Variants in LPP observed in about 807,000 individuals in gnomAD.
LPP encodes the protein LIM domain containing preferred translocation partner in lipoma.
Under a neutral mutation model 60.4 loss-of-function variants are expected in LPP, and 38 were observed. The ratio of observed to expected loss-of-function variants is 0.63; its 90% CI spans 0.49 to 0.83. LPP has a LOEUF of 0.83. LPP is among the 40% of genes least tolerant of loss of function. The pLI, the probability that LPP is intolerant of heterozygous loss-of-function variation, is 0.00. For synonymous variants in LPP, 328 were observed against 290.8 expected, an observed-to-expected ratio of 1.13 and a Z score of -1.30; for missense variants, 902 against 783.6, an observed-to-expected ratio of 1.15 and a Z score of -1.80.
rs189553409 is a variant in LPP, at chr3:188,708,141, C to T, written c.1114-126C>T. ...TAAGTGATAAAACTAATTCTAAAAC[C>T]CAGGTCTCCTGACAGCCACGTCCAG... On this transcript the variant is annotated intron_variant, in intron 7 of 11. Transcript: ENST00000617246. The T allele has an allele frequency of 7.1e-3, 7,159 of 1,001,284 alleles. 34 individuals are homozygous for T. Among genetic ancestry groups the T allele is most frequent in the Non-Finnish European group, 8.3e-3 (5,655 of 681,450 alleles). The allele number at this position is 1,001,284 out of a possible 1,614,324, so 62.0% of individuals were successfully genotyped here.
intron 6 of LPP, among the ~76,000 whole-genome samples, chr3:188,576,790 A>T (rs1276107776): frequency 6.6e-6 from 1 of 152,216 alleles, no homozygotes; most frequent in African/African-American, 2.4e-5. Flanking sequence ...TACTTCCGTG[A>T]CTATCTCCAT....
chr3:188,616,306 C>G (rs146883651), intron 7 of LPP, among the ~76,000 whole-genome samples: 1 of 152,278 alleles, frequency 6.6e-6, no homozygotes, highest in East Asian at 1.9e-4. Context: ...CTGCATACAG[C>G]TAGCCAGTTT....
intron 6 of LPP, among the ~76,000 whole-genome samples, chr3:188,563,639 T>C (rs1257842942): frequency 2.0e-5 from 3 of 151,946 alleles, no homozygotes; most frequent in Admixed American, 6.6e-5. Flanking sequence ...AGCTTTTCTT[T>C]ATTACAAACA....
intron 9 of LPP, among the ~76,000 whole-genome samples, chr3:188,814,670 G>A (rs1258764404): frequency 1.3e-5 from 2 of 152,138 alleles, no homozygotes; most frequent in Admixed American, 1.3e-4. Context: ...AGACTTATTT[G>A]TAAATGGATG....
intron 11 of LPP, among the ~76,000 whole-genome samples, chr3:188,873,441 A>G (rs1768681912): frequency 2.6e-5 from 4 of 152,230 alleles, no homozygotes. Flanking sequence ...TTGATGAAGT[A>G]CTATGTATTT....
At chr3:188,468,864 C>T (rs2149501828) in intron 4 of LPP, among the ~76,000 whole-genome samples, 1 of 152,218 alleles carries the variant, frequency 6.6e-6, no homozygotes, top group South Asian at 2.1e-4. Context: ...GGCAGCTGGC[C>T]AAATGAAGCA....
intron 9 of LPP, among the ~76,000 whole-genome samples, chr3:188,777,085 A>G (rs1376957276): frequency 4.6e-5 from 7 of 152,192 alleles, no homozygotes; most frequent in African/African-American, 1.7e-4. Flanking sequence ...ACCTGTACCA[A>G]TCATTTAGCA....
intron 6 of LPP, among the ~76,000 whole-genome samples, chr3:188,606,623 CAT>C (rs767626553): frequency 1.1e-4 from 16 of 152,024 alleles, no homozygotes; most frequent in Non-Finnish European, 1.9e-4. Flanking sequence ...TAAATAGAAA[CAT>C]AGTTTCCTCA....
chr3:188,710,546 T>C lies in LPP; in HGVS notation c.1240+2153T>C, dbSNP rs1052725996. On this transcript the variant is annotated intron_variant, in intron 8 of 11. Transcript: ENST00000617246. ...GCATGGAGAACAGTAAAACAAAACATAGAAAATCCACGAAGGTTTCTAGTT... is the reference window on the plus strand; with the variant it reads ...GCATGGAGAACAGTAAAACAAAACACAGAAAATCCACGAAGGTTTCTAGTT... 2.0e-5 allele frequency: 3 copies of C among 152,280 alleles called. No individual in the cohort carries two copies. The South Asian group carries it at 6.2e-4, about 32-fold the overall frequency. 9.4% of individuals were successfully genotyped at this position (152,280 alleles called of 1,614,324 possible). A position where few individuals can be genotyped will look rare whatever the true frequency, so the allele number is the denominator to read the frequency against.
In LPP at chr3:188,435,268, T is replaced by C. The variant is rs141244572; in HGVS notation, c.193+28955T>C. 7.2e-3 allele frequency among the ~76,000 whole-genome samples: 1,089 copies of C among 152,262 alleles called. 34 individuals carry two copies. Among genetic ancestry groups the C allele is most frequent in the Admixed American group, 0.041 (630 of 15,294 alleles). ...GAATCAAAGAATGGAGTCTTAATTG[T>C]CTCCTTTGAGTTCTGTTTTTTGACC... On this transcript the variant is annotated intron_variant, in intron 4 of 11. Coordinates refer to ENST00000617246, the MANE Select transcript of LPP (RefSeq NM_001375462.1).
At chr3:188,857,618 T>C (rs1764152147) in intron 9 of LPP, among the ~76,000 whole-genome samples, 1 of 152,210 alleles carries the variant, frequency 6.6e-6, no homozygotes, top group Non-Finnish European at 1.5e-5. Context: ...TTAAGAAATG[T>C]ATGGATTTGG....
intron 2 of LPP, among the ~76,000 whole-genome samples, chr3:188,283,713 C>T (rs1213723255): frequency 6.6e-6 from 1 of 152,086 alleles, no homozygotes; most frequent in Non-Finnish European, 1.5e-5. Context: ...GACATGGGGC[C>T]TTAGTTTTCA....
At chr3:188,214,372 C>T (rs1348926300) in intron 1 of LPP, among the ~76,000 whole-genome samples, 1 of 152,186 alleles carries the variant, frequency 6.6e-6, no homozygotes, top group East Asian at 1.9e-4. Flanking sequence ...CTCAGGTGAT[C>T]TGCCTGCCTT....
intron 9 of LPP, among the ~76,000 whole-genome samples, chr3:188,788,930 G>A (rs185710727): frequency 1.3e-5 from 2 of 152,096 alleles, no homozygotes; most frequent in Non-Finnish European, 2.9e-5. Context: ...GACTGTCCGT[G>A]TTGCATCATC....
intron 7 of LPP, among the ~76,000 whole-genome samples, chr3:188,657,355 G>C (rs1455270106): frequency 1.4e-5 from 2 of 147,378 alleles, no homozygotes; most frequent in Non-Finnish European, 3.0e-5. Context: ...GTATAAAAAA[G>C]GCAAAGAATT....
rs576619419 is a variant in LPP at position 188,383,135 on chromosome 3, G to T, written c.-9-22977G>T. Among the ~76,000 whole-genome samples the T allele has an allele frequency of 2.6e-5, 4 of 152,262 alleles. No homozygotes were observed. In the South Asian group the frequency reaches 8.3e-4, roughly 32 times the overall value. Reference sequence around the variant, plus strand: ...TATTTTTGCCTTTATTATTTTTAAAGTTTTTTGGATGAAATTACTGACGTT... The same window carrying T: ...TATTTTTGCCTTTATTATTTTTAAATTTTTTTGGATGAAATTACTGACGTT... On this transcript the variant is annotated intron_variant, in intron 3 of 11. Coordinates refer to ENST00000617246, the MANE Select transcript of LPP (RefSeq NM_001375462.1).
intron 2 of LPP, among the ~76,000 whole-genome samples, chr3:188,266,806 A>C (rs906436611): frequency 6.6e-6 from 1 of 152,052 alleles, no homozygotes; most frequent in African/African-American, 2.4e-5. Flanking sequence ...TTCTTGACGC[A>C]CTTATTTAGC....
chr3:188,602,153 A>AAT (rs1169818692), intron 6 of LPP, among the ~76,000 whole-genome samples: 20 of 126,366 alleles, frequency 1.6e-4, no homozygotes, highest in African/African-American at 4.5e-4. Flanking sequence ...ATATATATAT[A>AAT]ATATATATAT....
At chr3:188,281,908 G>A (rs915552737) in intron 2 of LPP, among the ~76,000 whole-genome samples, 3 of 151,956 alleles carry the variant, frequency 2.0e-5, no homozygotes, top group South Asian at 2.1e-4. Flanking sequence ...TAGTTACTCC[G>A]AATTGCAGTC....
Sources: allele counts gnomAD v4.1 joint callset (sites outside exome capture counted in the v4.1 genomes callset), GRCh38; gene constraint gnomAD v4.1.1; transcripts MANE v1.5; gene names NCBI Gene and HGNC (gene_info 2026-07-23, HGNC 2026-07-21).